TDP1: variants seen among roughly 807,000 people sequenced by gnomAD.
TDP1 encodes tyr-DNA phosphodiesterase 1.
Under a neutral mutation model 81.5 loss-of-function variants are expected in TDP1, and 64 were observed. That is an observed-to-expected ratio of 0.79 (90% CI 0.64 to 0.97). The LOEUF is 0.97. Ranked by LOEUF, TDP1 falls within the 50% of genes least tolerant of loss-of-function variation. The pLI, the probability that TDP1 is intolerant of heterozygous loss-of-function variation, is 0.00. For missense variants in TDP1, 723 were observed against 743.8 expected (o/e 0.97, Z 0.33); for synonymous variants, 256 against 264.3 (o/e 0.97, Z 0.30).
chr14:90,012,346 A>G (rs1371533135), intron 14 of TDP1, among the ~76,000 whole-genome samples: 2 of 151,946 alleles, frequency 1.3e-5, no homozygotes, highest in Admixed American at 6.6e-5. Flanking sequence ...CAGTGAATCT[A>G]CAATTCTGCA....
Position 89,963,655 on chromosome 14 carries a change from G to A in TDP1, c.541G>A (p.Gly181Arg). The A allele has an allele frequency of 3.7e-6, 6 of 1,613,990 alleles. No individual in the cohort carries two copies. Among genetic ancestry groups the A allele is most frequent in the Non-Finnish European group, 5.1e-6 (6 of 1,179,916 alleles). Residue 181 changes from glycine to arginine, a missense_variant, in exon 3 of 17, where the codon GGA (glycine) becomes AGA (arginine). By Grantham distance (125) the Gly-to-Arg change is moderately radical. Transcript: ENST00000335725. The stretch of plus-strand genomic sequence containing the variant: ...TGGAGTTAAGCCAAAGTATAACTCT[G>A]GAGCCCTCCACATCAAGGGTAAGAG... ...VSGVKPKYNS[G>R]ALHIKDILSP...
chr14:90,042,878 C>T, intron 16 of TDP1, 192 bp from the exon 17 acceptor site: 1 of 985,384 alleles, frequency 1.0e-6, no homozygotes, highest in Non-Finnish European at 1.2e-6. Flanking sequence ...CCCATGTTCA[C>T]TCACCTAGTG....
At chr14:89,956,100 C>G (rs547981684) in intron 1 of TDP1, 130 bp downstream of exon 1, 1 of 152,470 alleles carries the variant, frequency 6.6e-6, no homozygotes, top group Admixed American at 6.5e-5. Context: ...GGAGGCGGAC[C>G]GCGAGGAAGC....
intron 16 of TDP1, among the ~76,000 whole-genome samples, chr14:90,040,694 A>C (rs1037107158): frequency 6.6e-6 from 1 of 152,264 alleles, no homozygotes; most frequent in Non-Finnish European, 1.5e-5. Context: ...TCATGGGACA[A>C]TTTAGGAGGA....
chr14:90,031,460 C>T (rs531878795), intron 15 of TDP1, among the ~76,000 whole-genome samples: 3 of 152,074 alleles, frequency 2.0e-5, no homozygotes, highest in East Asian at 3.9e-4. Context: ...AGTTCAAGAC[C>T]AGCCTGAACA....
rs1230452754 is a variant in TDP1 at position 90,005,413 on chromosome 14, A to T, written c.1541+11930A>T. Reference sequence around the variant, plus strand: ...AAGGGTTCTCGAGGTTTAAAAAAAAAATTTTTTTAAATCATTATAATAGAT... The same window carrying T: ...AAGGGTTCTCGAGGTTTAAAAAAAATATTTTTTTAAATCATTATAATAGAT... On this transcript the variant is annotated intron_variant, in intron 14 of 16. Transcript: ENST00000335725. Among the ~76,000 whole-genome samples, 8 of 152,162 alleles carry T rather than the reference A, an allele frequency of 5.3e-5. 1 individual carries two copies. Among genetic ancestry groups the T allele is most frequent in the African/African-American group, 1.9e-4 (8 of 41,416 alleles).
Position 89,971,173 on chromosome 14 carries a change from A to G in TDP1, c.660-2A>G. ...TATTAAATACTAATGCTCTCTTTTT[A>G]GGAAGAAGCCAATCCTGCTTGTGCA... On this transcript the variant is annotated splice_acceptor_variant, in intron 5 of 16. Transcript: ENST00000335725. LOFTEE classifies it high-confidence loss of function. The G allele has an allele frequency of 1.2e-6, 2 of 1,613,116 alleles. No individual in the cohort carries two copies. The highest frequency in any genetic ancestry group is 8.5e-7 in the Non-Finnish European group (1 of 1,179,214).
intron 5 of TDP1, among the ~76,000 whole-genome samples, chr14:89,969,672 T>G (rs1003601364): frequency 1.3e-5 from 2 of 152,172 alleles, no homozygotes; most frequent in African/African-American, 4.8e-5. Flanking sequence ...CATGTTAGAA[T>G]AAAGCTATTG....
chr14:89,991,822 G>C, intron 12 of TDP1, 95 bp from the exon 13 acceptor site: 4 of 1,331,620 alleles, frequency 3.0e-6, no homozygotes, highest in Non-Finnish European at 4.1e-6. Flanking sequence ...TTTTTTTCCT[G>C]TTACCTTCTT....
intron 15 of TDP1, among the ~76,000 whole-genome samples, chr14:90,023,776 G>T (rs1417839529): frequency 1.3e-5 from 2 of 151,986 alleles, no homozygotes; most frequent in African/African-American, 4.8e-5. Flanking sequence ...GGCTCAAGCA[G>T]TCCTCCCACT....
At chr14:90,015,879 A>T (rs767653212) in intron 14 of TDP1, among the ~76,000 whole-genome samples, 8 of 152,152 alleles carry the variant, frequency 5.3e-5, no homozygotes, top group Non-Finnish European at 7.3e-5. Flanking sequence ...CAACATATGA[A>T]TTCTGGGGGA....
At chr14:89,970,803 C>T in intron 5 of TDP1, 1 of 937,426 alleles carries the variant, frequency 1.1e-6, no homozygotes, top group Non-Finnish European at 1.3e-6. Context: ...GAGGCGAGTC[C>T]AGCTTCATGA....
intron 16 of TDP1, among the ~76,000 whole-genome samples, chr14:90,037,899 A>G (rs553929600): frequency 6.6e-6 from 1 of 152,264 alleles, no homozygotes; most frequent in East Asian, 1.9e-4. Context: ...CAGTTCCACA[A>G]TTTTTTGTTT....
chr14:89,998,396 AT>A (rs1165926358), intron 14 of TDP1, among the ~76,000 whole-genome samples: 1 of 112,762 alleles, frequency 8.9e-6, no homozygotes, highest in Non-Finnish European at 1.7e-5. Context: ...ATATATATAT[AT>A]ATATATATAT....
chr14:90,011,532 T>C (rs1179543862), intron 14 of TDP1, among the ~76,000 whole-genome samples: 1 of 152,204 alleles, frequency 6.6e-6, no homozygotes, highest in African/African-American at 2.4e-5. Context: ...ATATGGACAA[T>C]GAAGTCTAGG....
At position 89,985,181 on chromosome 14, in the gene TDP1, G is replaced by T; in HGVS notation, c.1102G>T (p.Asp368Tyr). Reference protein sequence around the residue: ...TPGRFQGSQKDNWGHFRLKKL... With the variant: ...TPGRFQGSQKYNWGHFRLKKL... ...AGGACGCTTTCAAGGAAGTCAAAAAGATAATTGGGGACATTTTAGACTTAA... is the reference window on the plus strand; with the variant it reads ...AGGACGCTTTCAAGGAAGTCAAAAATATAATTGGGGACATTTTAGACTTAA... Residue 368 changes from aspartate (D) to tyrosine (Y), a missense_variant, in exon 10 of 17, where the codon GAT (aspartate) becomes TAT (tyrosine). Transcript: ENST00000335725. 1 of 1,610,500 alleles carries T rather than the reference G, an allele frequency of 6.2e-7. No homozygotes were observed. The highest frequency in any genetic ancestry group is 8.5e-7 in the Non-Finnish European group (1 of 1,178,196).
chr14:89,970,224 A>T lies in TDP1; in HGVS notation c.660-951A>T, dbSNP rs35464980. 3.8e-3 allele frequency among the ~76,000 whole-genome samples: 586 copies of T among 152,356 alleles called. 2 individuals carry two copies. Among genetic ancestry groups the T allele is most frequent in the African/African-American group, 0.014 (566 of 41,590 alleles). On this transcript the variant is annotated intron_variant, in intron 5 of 16. Transcript: ENST00000335725. ...TATCTTGCTTTGAGTTAATCAGAAC[A>T]AGAATCCCTCAAAAGCCTTTTTAAT...
chr14:90,034,753 A>G (rs747898111), intron 16 of TDP1, among the ~76,000 whole-genome samples: 4 of 152,202 alleles, frequency 2.6e-5, no homozygotes, highest in Non-Finnish European at 5.9e-5. Flanking sequence ...TGAACAGAGA[A>G]AAGATTTTTT....
rs182903000 is a variant in TDP1 at position 90,044,532 on chromosome 14, C to T, written c.*1389C>T. Reference sequence around the variant, plus strand: ...TCTAAAGTAGTCTTTCAAACTGTTCCTCAGAGGCCTAGGATTTTCCAAAAG... The same window carrying T: ...TCTAAAGTAGTCTTTCAAACTGTTCTTCAGAGGCCTAGGATTTTCCAAAAG... On this transcript the variant is annotated 3_prime_UTR_variant, in exon 17 of 17. Transcript: ENST00000335725. The T allele has an allele frequency of 1.3e-5, 2 of 152,220 alleles. No homozygotes were observed. The highest frequency in any genetic ancestry group is 1.3e-4 in the Admixed American group (2 of 15,288). The allele number at this position is 152,220 out of a possible 1,614,324, so 9.4% of individuals were successfully genotyped here.
Sources: gnomAD v4.1 joint callset for allele counts (sites outside exome capture counted in the v4.1 genomes callset) on GRCh38, gnomAD v4.1.1 for gene constraint, MANE v1.5 for transcripts, NCBI Gene and HGNC (gene_info 2026-07-23, HGNC 2026-07-21) for gene names.